The following LTF variants were observed in gnomAD, a reference collection of about 807,000 sequenced individuals.
LTF encodes lactotransferrin.
A neutral mutation model predicts 87.2 loss-of-function variants in LTF; 91 were observed. The observed-to-expected ratio is 1.04, with a 90% CI of 0.88 to 1.24. The LOEUF is 1.24. LTF is among the 50% of genes most tolerant of loss of function. The probability of loss-of-function intolerance (pLI) is 0.00; values close to 1 mark genes in which losing one functional copy is unlikely to be tolerated. For synonymous variants in LTF, 378 were observed against 356.1 expected, an observed-to-expected ratio of 1.06 and a Z score of -0.69; for missense variants, 901 against 904.3, an observed-to-expected ratio of 1.00 and a Z score of 0.05.
rs1702629360 is a variant in LTF, at chr3:46,445,427, G to GC, written c.1366dup (p.Ala456GlyfsTer6). 4 of 1,611,516 alleles carry GC rather than the reference G, an allele frequency of 2.5e-6. No homozygotes were observed. The highest frequency in any genetic ancestry group is 3.4e-6 in the Non-Finnish European group (4 of 1,178,942). On this transcript the variant is annotated frameshift_variant, in exon 12 of 17. Coordinates refer to ENST00000231751, the MANE Select transcript of LTF (RefSeq NM_002343.6). LOFTEE classifies it high-confidence loss of function. ...GTCTGATCTCCTAACCACCGCCACA[G>GC]CAAGATATCCTGGCATAACAGATGA...
At chr3:46,470,479 G>A (rs56233078) in intron 1 of LTF, 47,881 of 152,290 alleles carry the variant, frequency 0.31, 9,135 homozygotes, top group East Asian at 0.5. Context: ...GCAAGGACAA[G>A]ATCAGCTGGA....
intron 1 of LTF, among the ~76,000 whole-genome samples, chr3:46,484,576 A>T (rs892381091): frequency 1.3e-5 from 2 of 152,156 alleles, no homozygotes; most frequent in African/African-American, 4.8e-5. Context: ...AGGGCCTGGA[A>T]TGTTCTGCCA....
At position 46,450,009 on chromosome 3, in the gene LTF, T is replaced by A. The variant is rs912732938; in HGVS notation, c.902A>T (p.Lys301Met). ...GCCAAAGAGCTGGAATTTCGGTGAC[T>A]TGTCCTTTCCAAACTTTTCCTAATT... is the stretch of plus-strand genomic sequence containing the variant. ...RQAQEKFGKD[K>M]SPKFQLFGSP... The change falls in exon 8 of 17, where the codon AAG becomes ATG. Residue 301 changes from lysine (K) to methionine (M), a missense_variant. Physicochemically the swap from Lys to Met is moderately conservative, Grantham distance 95. Transcript: ENST00000231751. 4 of 1,600,270 alleles carry A rather than the reference T, an allele frequency of 2.5e-6. No homozygotes were observed. The highest frequency in any genetic ancestry group is 3.4e-6 in the Non-Finnish European group (4 of 1,173,960).
Position 46,436,074 on chromosome 3 carries a change from G to C in LTF, c.*121C>G. 1.1e-6 allele frequency: 1 copy of C among 899,688 alleles called. No individual in the cohort carries two copies. Among genetic ancestry groups the C allele is most frequent in the Non-Finnish European group, 1.8e-6 (1 of 548,268 alleles). 55.7% of individuals were successfully genotyped at this position (899,688 alleles called of 1,614,324 possible). The stretch of plus-strand genomic sequence containing the variant: ...AGACGACAGCAGGGAATTGTAAGCA[G>C]ATGGATGGGCAATCCCCACCTTCAG... On this transcript the variant is annotated 3_prime_UTR_variant, in exon 17 of 17. Transcript: ENST00000231751.
intron 2 of LTF, among the ~76,000 whole-genome samples, chr3:46,457,426 T>C (rs17078863): frequency 0.12 from 18,123 of 152,280 alleles, 1,305 homozygotes; most frequent in Admixed American, 0.21. Context: ...TGTTTTTCCT[T>C]GTGACCACTT....
chr3:46,475,743 A>G (rs1291205229), intron 1 of LTF, among the ~76,000 whole-genome samples: 1 of 152,174 alleles, frequency 6.6e-6, no homozygotes, highest in Non-Finnish European at 1.5e-5. Context: ...TAAAACATAA[A>G]TGTACAATTG....
chr3:46,470,985 G>A (rs1351791796), intron 1 of LTF, among the ~76,000 whole-genome samples: 1 of 152,204 alleles, frequency 6.6e-6, no homozygotes, highest in African/African-American at 2.4e-5. Context: ...ACCTCAGCTG[G>A]GCACAGAGGT....
At chr3:46,451,677 C>T (rs34927844) in intron 6 of LTF, among the ~76,000 whole-genome samples, 9,254 of 152,262 alleles carry the variant, frequency 0.061, 420 homozygotes, top group South Asian at 0.15. Flanking sequence ...TCACTGCATC[C>T]TCCATCTCCT....
At chr3:46,454,810 G>A (rs1024347633) in intron 5 of LTF, among the ~76,000 whole-genome samples, 1 of 152,172 alleles carries the variant, frequency 6.6e-6, no homozygotes, top group Non-Finnish European at 1.5e-5. Context: ...GGGCAGAGAG[G>A]ATGGGGGCGA....
At chr3:46,472,107 C>T (rs1370271919) in intron 1 of LTF, among the ~76,000 whole-genome samples, 1 of 152,148 alleles carries the variant, frequency 6.6e-6, no homozygotes, top group South Asian at 2.1e-4. Context: ...TTCTCCCTCC[C>T]AGCTCTAGAT....
intron 1 of LTF, among the ~76,000 whole-genome samples, chr3:46,480,994 C>G (rs942186233): frequency 4.6e-5 from 7 of 152,320 alleles, no homozygotes; most frequent in Middle Eastern, 3.4e-3. Context: ...CCTCCACCCT[C>G]CTCCACTGCT....
chr3:46,454,065 C>T lies in LTF; in HGVS notation c.703+240G>A, dbSNP rs112122417. ...ACATGTGTCTTGGAGGACTGGAGGA[C>T]GCATTGCCAAGCACCTAGGCATGGG... is the stretch of plus-strand genomic sequence containing the variant. On this transcript the variant is annotated intron_variant, in intron 6 of 16. Coordinates refer to ENST00000231751, the MANE Select transcript of LTF (RefSeq NM_002343.6). The T allele has an allele frequency of 2.2e-4, 117 of 531,472 alleles. 1 individual carries two copies. Among genetic ancestry groups the T allele is most frequent in the African/African-American group, 1.5e-3 (77 of 52,744 alleles). 32.9% of individuals were successfully genotyped at this position (531,472 alleles called of 1,614,324 possible). A position where few individuals can be genotyped will look rare whatever the true frequency, so the allele number is the denominator to read the frequency against.
intron 1 of LTF, among the ~76,000 whole-genome samples, chr3:46,481,401 A>G (rs1317918292): frequency 6.6e-6 from 1 of 152,220 alleles, no homozygotes; most frequent in Non-Finnish European, 1.5e-5. Context: ...CACACTTGTA[A>G]TCCCAGCACT....
At chr3:46,484,499 C>T (rs998517825) in intron 1 of LTF, among the ~76,000 whole-genome samples, 4 of 152,160 alleles carry the variant, frequency 2.6e-5, no homozygotes, top group African/African-American at 9.7e-5. Flanking sequence ...CTGTGCTGTC[C>T]TCACAACACC....
chr3:46,446,343 G>A, intron 11 of LTF, 97 bp downstream of exon 11: 1 of 942,336 alleles, frequency 1.1e-6, no homozygotes, highest in Non-Finnish European at 1.7e-6. Context: ...AGCTTCTAGG[G>A]CTGCAATTCT....
Position 46,456,312 on chromosome 3 carries a change from C to T in LTF, c.294G>A (p.Ala98=), listed in dbSNP as rs145908484. The part of the protein sequence containing the change: ...LAPYKLRPVA[A]EVYGTERQPR... ...CACGTCTTTCGGTCCCGTAGACTTC[C>T]GCCGCTACAGGTCGCAGTTTGTAGG... Residue 98 remains alanine, a synonymous_variant, in exon 3 of 17, where the codon GCG becomes GCA. Transcript: ENST00000231751. 3.5e-5 allele frequency: 56 copies of T among 1,613,948 alleles called. No homozygotes were observed. The highest frequency in any genetic ancestry group is 2.5e-4 in the Admixed American group (15 of 59,992).
At chr3:46,475,315 A>G (rs1248209394) in intron 1 of LTF, among the ~76,000 whole-genome samples, 1 of 152,248 alleles carries the variant, frequency 6.6e-6, no homozygotes, top group Non-Finnish European at 1.5e-5. Flanking sequence ...AAATGGTTTC[A>G]CTGTCGAGTT....
At chr3:46,459,275 C>A (rs1465817533) in intron 2 of LTF, among the ~76,000 whole-genome samples, 1 of 152,258 alleles carries the variant, frequency 6.6e-6, no homozygotes, top group Non-Finnish European at 1.5e-5. Flanking sequence ...GTGACCAGGA[C>A]AAGCTTCTTT....
At chr3:46,483,338 A>G (rs1170566025) in intron 1 of LTF, among the ~76,000 whole-genome samples, 1 of 152,236 alleles carries the variant, frequency 6.6e-6, no homozygotes, top group African/African-American at 2.4e-5. Flanking sequence ...TACACCAAAA[A>G]CACAAACAAG....
Sources: allele counts gnomAD v4.1 joint callset (sites outside exome capture counted in the v4.1 genomes callset), GRCh38; gene constraint gnomAD v4.1.1; transcripts MANE v1.5; gene names NCBI Gene and HGNC (gene_info 2026-07-23, HGNC 2026-07-21).